Variants in ITGB3 observed in about 807,000 individuals in gnomAD.
ITGB3 encodes the protein integrin beta-3.
ITGB3 carries 48 observed loss-of-function variants against 85.8 expected under a neutral mutation model. The observed-to-expected ratio is 0.56, with a 90% CI of 0.44 to 0.71. The LOEUF (loss-of-function observed/expected upper bound fraction) is 0.71. Ranked by LOEUF, ITGB3 falls within the 30% of genes least tolerant of loss-of-function variation. The probability of loss-of-function intolerance (pLI) is 0.00; values close to 1 mark genes in which losing one functional copy is unlikely to be tolerated. For synonymous variants in ITGB3, 363 were observed against 395.6 expected (o/e 0.92, Z 0.98); for missense variants, 861 against 1,019.1 (o/e 0.84, Z 2.11).
intron 1 of ITGB3, among the ~76,000 whole-genome samples, chr17:47,267,380 A>G (rs985419618): frequency 3.3e-5 from 5 of 152,164 alleles, no homozygotes; most frequent in Non-Finnish European, 7.4e-5. Context: ...GGCTTTATGA[A>G]TGACTGGAAA....
At chr17:47,302,635 CT>C (rs2065171509) in intron 12 of ITGB3, 85 bp from the exon 13 acceptor site, 2 of 1,524,714 alleles carry the variant, frequency 1.3e-6, no homozygotes, top group Non-Finnish European at 1.8e-6. Flanking sequence ...ACATACTTCC[CT>C]GGAAGTCCTG....
At chr17:47,284,762 A>G in intron 4 of ITGB3, 67 bp downstream of exon 4, 2 of 1,594,946 alleles carry the variant, frequency 1.3e-6, no homozygotes, top group African/African-American at 1.3e-5. Flanking sequence ...CCTGGTTCCT[A>G]TTTCTAGCTC....
At chr17:47,273,374 A>G (rs1156804358) in intron 1 of ITGB3, among the ~76,000 whole-genome samples, 1 of 152,170 alleles carries the variant, frequency 6.6e-6, no homozygotes, top group Non-Finnish European at 1.5e-5. Flanking sequence ...TGCTCCTTAT[A>G]TTGGAAAAAA....
intron 12 of ITGB3, 41 bp downstream of exon 12, chr17:47,300,619 T>C: frequency 7.0e-7 from 1 of 1,434,554 alleles, no homozygotes; most frequent in Non-Finnish European, 9.8e-7. Context: ...ACCCAGGTTC[T>C]AAATGTTTCT....
intron 1 of ITGB3, among the ~76,000 whole-genome samples, chr17:47,264,914 ATTGTGCATTTTTG>A (rs914471833): frequency 3.3e-5 from 5 of 152,232 alleles, no homozygotes; most frequent in Admixed American, 2.6e-4. Flanking sequence ...ACTGTTTGAA[ATTGTGCATTTTTG>A]TTGTGTATTT....
chr17:47,306,973 C>G (rs774210720), intron 13 of ITGB3, among the ~76,000 whole-genome samples: 13 of 152,196 alleles, frequency 8.5e-5, no homozygotes, highest in Non-Finnish European at 1.3e-4. Flanking sequence ...AGCCACCACA[C>G]TCGGCTTTTT....
intron 13 of ITGB3, among the ~76,000 whole-genome samples, chr17:47,306,506 G>C (rs1393295655): frequency 3.9e-5 from 6 of 152,104 alleles, no homozygotes; most frequent in African/African-American, 7.2e-5. Context: ...TTGAACTTCT[G>C]GACTCAAGCT....
At position 47,311,445 on chromosome 17, in the gene ITGB3, T is replaced by C. The variant is rs1161573574; in HGVS notation, c.*1241T>C. 2 of 152,678 alleles carry C rather than the reference T, an allele frequency of 1.3e-5. No homozygotes were observed. The highest frequency in any genetic ancestry group is 2.9e-5 in the Non-Finnish European group (2 of 68,042). The allele number at this position is 152,678 out of a possible 1,614,324, so 9.5% of individuals were successfully genotyped here. ...CCACAGTGCAATTTTATTTTATTTT[T>C]CTCATGATGAGGTTTTCTTAACTTA... On this transcript the variant is annotated 3_prime_UTR_variant, in exon 15 of 15. Coordinates refer to ENST00000559488, the MANE Select transcript of ITGB3 (RefSeq NM_000212.3).
intron 1 of ITGB3, among the ~76,000 whole-genome samples, chr17:47,254,831 A>C (rs1338843569): frequency 2.6e-5 from 4 of 152,206 alleles, no homozygotes; most frequent in Admixed American, 1.3e-4. Flanking sequence ...GGCTGGAGAG[A>C]AACCCTGGCT....
intron 1 of ITGB3, among the ~76,000 whole-genome samples, chr17:47,266,831 C>T (rs926382598): frequency 2.6e-5 from 4 of 152,126 alleles, no homozygotes; most frequent in African/African-American, 9.7e-5. Context: ...ATCCTCCTGC[C>T]TTGGCCTCCG....
At chr17:47,293,621 T>G (rs1855081152) in intron 10 of ITGB3, among the ~76,000 whole-genome samples, 1 of 152,080 alleles carries the variant, frequency 6.6e-6, no homozygotes, top group African/African-American at 2.4e-5. Context: ...GGTTCTTTTT[T>G]TTTTTTGAGA....
Position 47,312,986 on chromosome 17 carries a change from A to T in ITGB3, c.*2782A>T, listed in dbSNP as rs911599380. 6.6e-6 allele frequency among the ~76,000 whole-genome samples: 1 copy of T among 151,464 alleles called. No individual in the cohort carries two copies. Among genetic ancestry groups the T allele is most frequent in the Admixed American group, 6.6e-5 (1 of 15,230 alleles). On this transcript the variant is annotated 3_prime_UTR_variant, in exon 15 of 15. Coordinates refer to ENST00000559488, the MANE Select transcript of ITGB3 (RefSeq NM_000212.3). ...CCAGGTCATCCATGATTTTTTTTTTAATTTGAGACAAAGCCTCACTCTTGT... is the reference window on the plus strand; with the variant it reads ...CCAGGTCATCCATGATTTTTTTTTTTATTTGAGACAAAGCCTCACTCTTGT...
At chr17:47,296,178 C>A (rs2065145296) in intron 10 of ITGB3, among the ~76,000 whole-genome samples, 1 of 152,210 alleles carries the variant, frequency 6.6e-6, no homozygotes, top group Non-Finnish European at 1.5e-5. Context: ...ACCCTTCTGG[C>A]AGCCCAACAT....
At chr17:47,295,052 A>G (rs904939622) in intron 10 of ITGB3, among the ~76,000 whole-genome samples, 6 of 151,822 alleles carry the variant, frequency 4.0e-5, no homozygotes, top group Non-Finnish European at 7.3e-5. Flanking sequence ...CAGATCAGTC[A>G]GGCAGCTTCT....
intron 14 of ITGB3, among the ~76,000 whole-genome samples, chr17:47,309,896 A>G (rs1330238722): frequency 6.2e-4 from 15 of 24,256 alleles, no homozygotes; most frequent in Admixed American, 2.5e-3. Context: ...ACCCTGTCTG[A>G]AAAAAAAAAA....
intron 10 of ITGB3, among the ~76,000 whole-genome samples, chr17:47,294,995 T>C (rs1953397549): frequency 6.6e-6 from 1 of 152,112 alleles, no homozygotes; most frequent in African/African-American, 2.4e-5. Context: ...GCCTCAAACA[T>C]CAAGAAGTGC....
chr17:47,300,346 C>CGCGCGCGCGTGCGTGCGTGTGTGTGT (rs377375532), intron 11 of ITGB3, 132 bp from the exon 12 acceptor site: 1 of 611,562 alleles, frequency 1.6e-6, no homozygotes, highest in African/African-American at 1.9e-5. Context: ...CGCGCGCGCG[C>CGCGCGCGCGTGCGTGCGTGTGTGTGT]GTGTGTGTGT....
intron 10 of ITGB3, among the ~76,000 whole-genome samples, chr17:47,293,771 C>A (rs1158125490): frequency 6.6e-6 from 1 of 152,148 alleles, no homozygotes; most frequent in African/African-American, 2.4e-5. Context: ...CGATGCCCAG[C>A]TAATTTTGGT....
At chr17:47,288,052 C>A (rs1240285988) in intron 6 of ITGB3, among the ~76,000 whole-genome samples, 1 of 150,058 alleles carries the variant, frequency 6.7e-6, no homozygotes, top group Non-Finnish European at 1.5e-5. Flanking sequence ...GCATGCACTA[C>A]CATGCCCAGC....
Sources: gnomAD v4.1 joint callset for allele counts (sites outside exome capture counted in the v4.1 genomes callset) on GRCh38, gnomAD v4.1.1 for gene constraint, MANE v1.5 for transcripts, NCBI Gene and HGNC (gene_info 2026-07-23, HGNC 2026-07-21) for gene names.